Variants in C12orf42 observed in about 807,000 individuals in gnomAD.
C12orf42 encodes uncharacterized protein C12orf42.
A neutral mutation model predicts 21.6 loss-of-function variants in C12orf42; 25 were observed. That is an observed-to-expected ratio of 1.16 (90% CI 0.84 to 1.62). The LOEUF is 1.62. Among genes scored for constraint, C12orf42 ranks in the 40% most tolerant of loss-of-function variants. The pLI is 0.00. For missense variants in C12orf42, 483 were observed against 459.3 expected (o/e 1.05, Z -0.47); for synonymous variants, 174 against 175.0 (o/e 0.99, Z 0.05).
chr12:103,215,293 A>C, the C12orf42 span, among the ~76,000 whole-genome samples: 1 of 151,972 alleles, frequency 6.6e-6, no homozygotes, highest in Non-Finnish European at 1.5e-5. Flanking sequence ...TGCAAATATA[A>C]ATACATATAT....
chr12:103,322,749 C>A (rs1312788696), intron 4 of C12orf42, among the ~76,000 whole-genome samples: 1 of 152,130 alleles, frequency 6.6e-6, no homozygotes, highest in Non-Finnish European at 1.5e-5. Context: ...CACAAATGTC[C>A]AAATTCGTAA....
exon 7 of C12orf42, chr12:103,268,828 T>C (rs961848687): frequency 6.6e-6 from 1 of 152,174 alleles, no homozygotes; most frequent in Non-Finnish European, 1.5e-5. Flanking sequence ...ATATAATGCA[T>C]GAAAAAGTTG....
chr12:103,067,508 C>T, the C12orf42 span, among the ~76,000 whole-genome samples: 2 of 152,146 alleles, frequency 1.3e-5, no homozygotes, highest in African/African-American at 2.4e-5. Context: ...GCTGTGTATG[C>T]TCTTAATCAG....
At chr12:103,530,467 T>A in the C12orf42 span, among the ~76,000 whole-genome samples, 2 of 152,180 alleles carry the variant, frequency 1.3e-5, no homozygotes, top group Non-Finnish European at 2.9e-5. Flanking sequence ...CAAACAGCCA[T>A]CATTTGTGAC....
intron 4 of C12orf42, among the ~76,000 whole-genome samples, chr12:103,348,944 T>C (rs990877510): frequency 2.6e-5 from 4 of 152,172 alleles, no homozygotes; most frequent in African/African-American, 9.7e-5. Flanking sequence ...GCAGACACTG[T>C]TGATGCAAAT....
intron 4 of C12orf42, among the ~76,000 whole-genome samples, chr12:103,283,528 C>T (rs1347184857): frequency 6.6e-6 from 1 of 152,216 alleles, no homozygotes; most frequent in Non-Finnish European, 1.5e-5. Flanking sequence ...CCTCTGATCA[C>T]AGTCCCTTCA....
the C12orf42 span, among the ~76,000 whole-genome samples, chr12:103,170,738 C>CTCAAT: frequency 2.0e-5 from 3 of 152,138 alleles, no homozygotes; most frequent in South Asian, 2.1e-4. Context: ...ACCCAACGCA[C>CTCAAT]TCAATTCAAT....
At chr12:103,468,386 C>A (rs889786916) in intron 2 of C12orf42, among the ~76,000 whole-genome samples, 1 of 152,170 alleles carries the variant, frequency 6.6e-6, no homozygotes, top group Non-Finnish European at 1.5e-5. Context: ...GGGTGTGTAT[C>A]GTCTAAGGAC....
chr12:103,088,437 G>T, the C12orf42 span, among the ~76,000 whole-genome samples: 39 of 152,276 alleles, frequency 2.6e-4, no homozygotes, highest in Middle Eastern at 3.4e-3. Flanking sequence ...TGAGATCTTT[G>T]CTTTTGCATA....
At chr12:103,250,750 T>C (rs2034257572) in intron 10 of C12orf42, among the ~76,000 whole-genome samples, 1 of 152,142 alleles carries the variant, frequency 6.6e-6, no homozygotes, top group Non-Finnish European at 1.5e-5. Context: ...CCAATGCCAC[T>C]TTTTCTTGGT....
downstream of C12orf42, among the ~76,000 whole-genome samples, chr12:103,235,924 G>A (rs2033453416): frequency 6.6e-6 from 1 of 152,148 alleles, no homozygotes; most frequent in Non-Finnish European, 1.5e-5. Flanking sequence ...CAACTATGGT[G>A]GTGGTTTATG....
intron 3 of C12orf42, among the ~76,000 whole-genome samples, chr12:103,398,802 T>C (rs1432513411): frequency 1.3e-5 from 2 of 152,160 alleles, no homozygotes; most frequent in African/African-American, 4.8e-5. Context: ...ATTTATATAT[T>C]CTGTTCAGTT....
the C12orf42 span, among the ~76,000 whole-genome samples, chr12:103,111,940 T>C: frequency 6.6e-6 from 1 of 152,234 alleles, no homozygotes. Context: ...ACCCTGTCTA[T>C]TCTATTTCTA....
At chr12:103,328,152 T>C (rs1275337938) in intron 4 of C12orf42, among the ~76,000 whole-genome samples, 1 of 152,114 alleles carries the variant, frequency 6.6e-6, no homozygotes, top group Non-Finnish European at 1.5e-5. Flanking sequence ...AGCAATCTCA[T>C]CAAGGGAAAA....
the C12orf42 span, among the ~76,000 whole-genome samples, chr12:103,211,032 T>G: frequency 6.6e-6 from 1 of 152,130 alleles, no homozygotes; most frequent in South Asian, 2.1e-4. Context: ...TCTGGATTGA[T>G]TGTTCTTTAG....
chr12:103,334,489 G>T (rs982981297), intron 4 of C12orf42, among the ~76,000 whole-genome samples: 1 of 151,998 alleles, frequency 6.6e-6, no homozygotes, highest in Non-Finnish European at 1.5e-5. Flanking sequence ...AACAAAATAC[G>T]AAAAGGCAGT....
the C12orf42 span, among the ~76,000 whole-genome samples, chr12:103,152,661 A>C: frequency 6.6e-6 from 1 of 152,214 alleles, no homozygotes; most frequent in Admixed American, 6.5e-5. Flanking sequence ...CAATGTCAAT[A>C]AACGACAATA....
the C12orf42 span, among the ~76,000 whole-genome samples, chr12:103,078,198 A>G: frequency 2.6e-5 from 4 of 152,322 alleles, no homozygotes; most frequent in East Asian, 1.9e-4. Context: ...GGAACTTTGC[A>G]TATGTTGACT....
intron 10 of C12orf42, among the ~76,000 whole-genome samples, chr12:103,262,093 G>A (rs1311070517): frequency 6.6e-6 from 1 of 152,154 alleles, no homozygotes; most frequent in Non-Finnish European, 1.5e-5. Flanking sequence ...CCTGGAAATG[G>A]TTACTAGTCA....
Sources: allele counts gnomAD v4.1 joint callset (sites outside exome capture counted in the v4.1 genomes callset), GRCh38; gene constraint gnomAD v4.1.1; transcripts MANE v1.5; gene names NCBI Gene and HGNC (gene_info 2026-07-23, HGNC 2026-07-21).